The following FAM83B variants were observed in gnomAD, a reference collection of about 807,000 sequenced individuals.
FAM83B encodes the protein protein FAM83B.
Under a neutral mutation model 38.8 loss-of-function variants are expected in FAM83B, and 26 were observed. The observed-to-expected ratio is 0.67, with a 90% confidence interval of 0.49 to 0.93. The LOEUF (loss-of-function observed/expected upper bound fraction) is 0.93. Ranked by LOEUF, FAM83B falls within the 40% of genes least tolerant of loss-of-function variation. The probability of loss-of-function intolerance (pLI) is 0.00; values close to 1 mark genes in which losing one functional copy is unlikely to be tolerated. For missense variants in FAM83B, 1,237 were observed against 1,197.3 expected (o/e 1.03, Z -0.49); for synonymous variants, 419 against 423.1 (o/e 0.99, Z 0.12).
At position 54,944,670 on chromosome 6, in the gene FAM83B, A is replaced by G. The variant is rs1236521624; in HGVS notation, c.*2663A>G. ...ATTCAGCTTTACTCAAGATCCACAT[A>G]TTCAAGTATCATTCCACAGATATTC... On this transcript the variant is annotated 3_prime_UTR_variant, in exon 5 of 5. Transcript: ENST00000306858. The G allele has an allele frequency of 1.3e-5, 2 of 152,298 alleles. No individual in the cohort carries two copies. The highest frequency in any genetic ancestry group is 4.1e-4 in the South Asian group (2 of 4,828). The allele number at this position is 152,298 out of a possible 1,614,324, so 9.4% of individuals were successfully genotyped here.
intron 1 of FAM83B, among the ~76,000 whole-genome samples, chr6:54,848,455 G>C (rs1268360203): frequency 1.3e-5 from 2 of 152,198 alleles, no homozygotes; most frequent in Non-Finnish European, 2.9e-5. Context: ...TGCTGAAAGA[G>C]ATTGTATAGA....
intron 2 of FAM83B, among the ~76,000 whole-genome samples, chr6:54,880,657 C>T (rs1350092022): frequency 1.3e-5 from 2 of 151,992 alleles, no homozygotes; most frequent in Admixed American, 1.3e-4. Flanking sequence ...GTTGGTCAGG[C>T]TGATCTCAAA....
chr6:54,881,282 T>G (rs1231447007), intron 2 of FAM83B, among the ~76,000 whole-genome samples: 1 of 152,236 alleles, frequency 6.6e-6, no homozygotes, highest in East Asian at 1.9e-4. Flanking sequence ...ATACCAGTGC[T>G]GATATGGTGA....
intron 4 of FAM83B, among the ~76,000 whole-genome samples, chr6:54,933,336 A>G (rs1467918650): frequency 6.6e-6 from 1 of 150,540 alleles, no homozygotes; most frequent in East Asian, 2.0e-4. Context: ...TTCTCATTCC[A>G]TTGGTATGTC....
chr6:54,929,090 T>C (rs1773370271), intron 4 of FAM83B, among the ~76,000 whole-genome samples: 2 of 152,192 alleles, frequency 1.3e-5, no homozygotes. Flanking sequence ...CTCTATTCTC[T>C]GTGTTATCTC....
chr6:54,901,859 A>G (rs745725957), intron 2 of FAM83B, among the ~76,000 whole-genome samples: 71 of 152,256 alleles, frequency 4.7e-4, no homozygotes, highest in Non-Finnish European at 6.9e-4. Context: ...GCTAATTTGA[A>G]GACTATATTT....
At chr6:54,903,390 A>T (rs1772707430) in intron 2 of FAM83B, among the ~76,000 whole-genome samples, 1 of 152,182 alleles carries the variant, frequency 6.6e-6, no homozygotes, top group Non-Finnish European at 1.5e-5. Context: ...CCAGATTGCC[A>T]TTTAGGAAAA....
At chr6:54,882,584 C>T (rs947317464) in intron 2 of FAM83B, among the ~76,000 whole-genome samples, 1 of 152,168 alleles carries the variant, frequency 6.6e-6, no homozygotes, top group African/African-American at 2.4e-5. Flanking sequence ...ACCAGCTGAA[C>T]ATTCACAACC....
chr6:54,854,064 A>G (rs1296647380), intron 1 of FAM83B, among the ~76,000 whole-genome samples: 3 of 152,224 alleles, frequency 2.0e-5, no homozygotes, highest in Non-Finnish European at 2.9e-5. Context: ...CAAGGGACCT[A>G]TTAATAGAAT....
chr6:54,901,368 A>C (rs1772656516), intron 2 of FAM83B, among the ~76,000 whole-genome samples: 1 of 152,164 alleles, frequency 6.6e-6, no homozygotes, highest in African/African-American at 2.4e-5. Context: ...AAAAAACAAC[A>C]ACACTGTATC....
At chr6:54,867,884 G>T (rs1181038645) in intron 1 of FAM83B, among the ~76,000 whole-genome samples, 1 of 152,084 alleles carries the variant, frequency 6.6e-6, no homozygotes, top group African/African-American at 2.4e-5. Context: ...GAATAGGTTT[G>T]CAGGAAACTT....
At chr6:54,894,610 A>AGG (rs2127580988) in intron 2 of FAM83B, among the ~76,000 whole-genome samples, 1 of 152,332 alleles carries the variant, frequency 6.6e-6, no homozygotes, top group East Asian at 1.9e-4. Flanking sequence ...AGAACTCCAC[A>AGG]GGGGTTTGGC....
intron 3 of FAM83B, 32 bp downstream of exon 3, chr6:54,926,567 T>C (rs368569955): frequency 7.4e-5 from 110 of 1,484,246 alleles, no homozygotes; most frequent in Non-Finnish European, 1.0e-4. Flanking sequence ...TCCTCAAGTA[T>C]TTTATGTGTC....
chr6:54,859,506 A>T (rs937993915), intron 1 of FAM83B, among the ~76,000 whole-genome samples: 10 of 152,224 alleles, frequency 6.6e-5, no homozygotes, highest in African/African-American at 2.4e-4. Context: ...TTAGAATTGT[A>T]CTAAACAGAC....
intron 2 of FAM83B, among the ~76,000 whole-genome samples, chr6:54,921,640 A>C (rs576344966): frequency 6.6e-6 from 1 of 152,158 alleles, no homozygotes; most frequent in Admixed American, 6.5e-5. Flanking sequence ...GAAATATATA[A>C]TGTCATGGTA....
intron 2 of FAM83B, among the ~76,000 whole-genome samples, chr6:54,903,999 G>T (rs1772721387): frequency 6.6e-6 from 1 of 151,022 alleles, no homozygotes; most frequent in South Asian, 2.1e-4. Flanking sequence ...CTTTTGTTTG[G>T]CTGAAAACTG....
At chr6:54,872,381 T>A (rs1369095941) in intron 2 of FAM83B, among the ~76,000 whole-genome samples, 1 of 152,218 alleles carries the variant, frequency 6.6e-6, no homozygotes, top group East Asian at 1.9e-4. Flanking sequence ...GTCTTTGTAA[T>A]GGCAAAATAA....
At chr6:54,937,396 A>T (rs1268045467) in intron 4 of FAM83B, among the ~76,000 whole-genome samples, 1 of 152,082 alleles carries the variant, frequency 6.6e-6, no homozygotes, top group Non-Finnish European at 1.5e-5. Flanking sequence ...ATATTAAAAG[A>T]TCCTGATTGG....
At chr6:54,924,856 C>T (rs989397561) in intron 2 of FAM83B, among the ~76,000 whole-genome samples, 7 of 152,088 alleles carry the variant, frequency 4.6e-5, no homozygotes, top group African/African-American at 1.7e-4. Context: ...TCTAACTGGC[C>T]TCCATGTTTC....
Sources: allele counts gnomAD v4.1 joint callset (sites outside exome capture counted in the v4.1 genomes callset), GRCh38; gene constraint gnomAD v4.1.1; transcripts MANE v1.5; gene names NCBI Gene and HGNC (gene_info 2026-07-23, HGNC 2026-07-21).